DOCK1: variants seen among roughly 807,000 people sequenced by gnomAD.
The protein encoded by DOCK1 is dedicator of cytokinesis 1, also known as dedicator of cytokinesis protein 1.
A neutral mutation model predicts 262.7 loss-of-function variants in DOCK1; 138 were observed. The ratio of observed to expected loss-of-function variants is 0.53; its 90% CI spans 0.46 to 0.61. The LOEUF (loss-of-function observed/expected upper bound fraction) is 0.61. Among genes scored for constraint, DOCK1 ranks in the 20% least tolerant of loss-of-function variants. The pLI, the probability that DOCK1 is intolerant of heterozygous loss-of-function variation, is 0.00. For missense variants in DOCK1, 1,908 were observed against 2,370.7 expected, an observed-to-expected ratio of 0.80 and a Z score of 4.05; for synonymous variants, 866 against 867.4, an observed-to-expected ratio of 1.00 and a Z score of 0.03.
At chr10:127,259,144 G>A (rs980604813) in intron 29 of DOCK1, among the ~76,000 whole-genome samples, 6 of 152,116 alleles carry the variant, frequency 3.9e-5, no homozygotes, top group South Asian at 2.1e-4. Context: ...AGGAAGCCCC[G>A]GAGACCCTGG....
At chr10:127,193,130 G>A (rs2483870) in intron 27 of DOCK1, among the ~76,000 whole-genome samples, 3 of 152,186 alleles carry the variant, frequency 2.0e-5, no homozygotes, top group Non-Finnish European at 4.4e-5. Flanking sequence ...AAAAGGATCT[G>A]CTTCATAAAT....
At chr10:127,353,418 T>C (rs976843119) in intron 31 of DOCK1, among the ~76,000 whole-genome samples, 1 of 152,204 alleles carries the variant, frequency 6.6e-6, no homozygotes, top group South Asian at 2.1e-4. Flanking sequence ...GCGTGAGTTA[T>C]GCAGGGCGCT....
At chr10:127,203,643 ACGT>A (rs1216927785) in intron 27 of DOCK1, among the ~76,000 whole-genome samples, 5 of 39,570 alleles carry the variant, frequency 1.3e-4, no homozygotes, top group South Asian at 1.8e-3. Flanking sequence ...TTTTCCGTAA[ACGT>A]TTTTTTTTTT....
intron 27 of DOCK1, among the ~76,000 whole-genome samples, chr10:127,242,590 T>C (rs2059300919): frequency 6.6e-6 from 1 of 152,220 alleles, no homozygotes; most frequent in African/African-American, 2.4e-5. Flanking sequence ...ATTGATTCTT[T>C]GGCTTGAATG....
intron 29 of DOCK1, among the ~76,000 whole-genome samples, chr10:127,289,154 A>G (rs1333683027): frequency 6.6e-6 from 1 of 152,184 alleles, no homozygotes; most frequent in Non-Finnish European, 1.5e-5. Context: ...TACACACCAC[A>G]CAAACACGCA....
chr10:127,301,842 A>T (rs968038027), intron 29 of DOCK1, among the ~76,000 whole-genome samples: 3 of 151,356 alleles, frequency 2.0e-5, no homozygotes, highest in African/African-American at 7.3e-5. Context: ...GCTACTCGGG[A>T]GGCTGAGGCA....
At chr10:126,991,315 C>T (rs930749089) in intron 6 of DOCK1, among the ~76,000 whole-genome samples, 1 of 152,144 alleles carries the variant, frequency 6.6e-6, no homozygotes, top group Non-Finnish European at 1.5e-5. Context: ...TAGAATGAGG[C>T]CATGCCCTTT....
At chr10:126,945,474 A>G (rs1361092242) in intron 1 of DOCK1, among the ~76,000 whole-genome samples, 2 of 142,896 alleles carry the variant, frequency 1.4e-5, no homozygotes, top group African/African-American at 5.0e-5. Context: ...AGAGAGAGGG[A>G]GAGAGAGAGA....
intron 29 of DOCK1, among the ~76,000 whole-genome samples, chr10:127,261,139 G>A (rs2060061369): frequency 6.9e-6 from 1 of 144,384 alleles, no homozygotes; most frequent in African/African-American, 2.6e-5. Flanking sequence ...CTGCATGTGT[G>A]TGCGTGTGTA....
Position 127,312,304 on chromosome 10 carries a change from C to T in DOCK1, c.3045-26702C>T, listed in dbSNP as rs111473762. Among the ~76,000 whole-genome samples, 473 of 152,292 alleles carry T rather than the reference C, an allele frequency of 3.1e-3. 5 individuals carry two copies. The highest frequency in any genetic ancestry group is 0.011 in the African/African-American group (439 of 41,566). ...GTGATGATCACCAGGCTCTCCAGTACGGATTCCTAGGACGGGGCAGCAGAG... is the reference window on the plus strand; with the variant it reads ...GTGATGATCACCAGGCTCTCCAGTATGGATTCCTAGGACGGGGCAGCAGAG... On this transcript the variant is annotated intron_variant, in intron 29 of 51. Transcript: ENST00000623213.
rs116887571 is a variant in DOCK1 at position 127,273,633 on chromosome 10, G to A, written c.3044+16204G>A. ...GCGGTGGCTCACACCTGTAATCCCA[G>A]CATTTTGGGAGGCTGAGGTGGCCAG... On this transcript the variant is annotated intron_variant, in intron 29 of 51. Coordinates refer to ENST00000623213, the MANE Select transcript of DOCK1 (RefSeq NM_001290223.2). Among the ~76,000 whole-genome samples, 291 of 152,284 alleles carry A rather than the reference G, an allele frequency of 1.9e-3. 4 individuals carry two copies. In the East Asian group the frequency reaches 0.053, roughly 28 times the overall value.
intron 25 of DOCK1, among the ~76,000 whole-genome samples, chr10:127,112,443 A>G (rs939216582): frequency 3.3e-5 from 5 of 152,210 alleles, no homozygotes; most frequent in East Asian, 1.9e-4. Flanking sequence ...CCTCTTTCCT[A>G]TGCCCCATTT....
At chr10:126,926,831 G>A (rs1350345310) in intron 1 of DOCK1, among the ~76,000 whole-genome samples, 1 of 151,418 alleles carries the variant, frequency 6.6e-6, no homozygotes, top group African/African-American at 2.5e-5. Flanking sequence ...TCCCCCAGAG[G>A]GTTTGGAGGG....
chr10:127,223,199 T>A (rs1464670642), intron 27 of DOCK1, among the ~76,000 whole-genome samples: 1 of 152,184 alleles, frequency 6.6e-6, no homozygotes, highest in Admixed American at 6.5e-5. Flanking sequence ...ATCTCAAAAT[T>A]TGGAACAACA....
intron 1 of DOCK1, among the ~76,000 whole-genome samples, chr10:126,907,764 C>G (rs371565066): frequency 6.6e-6 from 1 of 152,054 alleles, no homozygotes; most frequent in Non-Finnish European, 1.5e-5. Flanking sequence ...CAGGGCGGTG[C>G]GCTTGAGTCT....
intron 29 of DOCK1, among the ~76,000 whole-genome samples, chr10:127,324,245 T>C (rs1343304075): frequency 6.6e-6 from 1 of 152,194 alleles, no homozygotes; most frequent in Non-Finnish European, 1.5e-5. Context: ...CAAATTCAGT[T>C]GACAATCAGC....
chr10:127,283,496 A>T (rs1021128315), intron 29 of DOCK1, among the ~76,000 whole-genome samples: 3 of 152,242 alleles, frequency 2.0e-5, no homozygotes, highest in Non-Finnish European at 2.9e-5. Context: ...TAGAAGGAAT[A>T]AAGCCATCCT....
At chr10:127,311,998 G>A (rs1186895727) in intron 29 of DOCK1, among the ~76,000 whole-genome samples, 2 of 152,046 alleles carry the variant, frequency 1.3e-5, no homozygotes, top group African/African-American at 2.4e-5. Flanking sequence ...CTGAGTAGCT[G>A]GGATTACAGG....
intron 1 of DOCK1, among the ~76,000 whole-genome samples, chr10:126,957,191 G>A (rs1212750531): frequency 6.6e-6 from 1 of 152,134 alleles, no homozygotes; most frequent in Non-Finnish European, 1.5e-5. Context: ...ATGTAACAAC[G>A]ACAGAGGAGG....
Sources: gnomAD v4.1 joint callset for allele counts (sites outside exome capture counted in the v4.1 genomes callset) on GRCh38, gnomAD v4.1.1 for gene constraint, MANE v1.5 for transcripts, NCBI Gene and HGNC (gene_info 2026-07-23, HGNC 2026-07-21) for gene names.